The following ITPKB variants were observed in gnomAD, a reference collection of about 807,000 sequenced individuals.
ITPKB encodes the protein inositol-trisphosphate 3-kinase B, also known as IP3 3-kinase B.
In ITPKB, 13 loss-of-function variants were observed where a neutral mutation model predicts 69.4. The observed-to-expected ratio is 0.19, with a 90% CI of 0.12 to 0.30. The LOEUF (loss-of-function observed/expected upper bound fraction) is 0.30, where lower values mean the gene tolerates loss of function less well. ITPKB is among the 10% of genes least tolerant of loss of function. The probability of loss-of-function intolerance (pLI) is 1.00; values close to 1 mark genes in which losing one functional copy is unlikely to be tolerated. For missense variants in ITPKB, 1,240 were observed against 1,250.5 expected, an observed-to-expected ratio of 0.99 and a Z score of 0.13; for synonymous variants, 584 against 513.7, an observed-to-expected ratio of 1.14 and a Z score of -1.85.
In ITPKB at chr1:226,736,117, G is replaced by A. The variant is rs772394345; in HGVS notation, c.1342C>T (p.Pro448Ser). 1 of 1,598,888 alleles carries A rather than the reference G, an allele frequency of 6.3e-7. No individual in the cohort carries two copies. Among genetic ancestry groups the A allele is most frequent in the East Asian group, 2.2e-5 (1 of 44,736 alleles). ...QLSDRVEGGS[P>S]TLGLLGGSPS... ...CTGCCCCCAAGCAAGCCCAGCGTTG[G>A]GGACCCTCCCTCCACTCTGTCGGAG... The change falls in exon 2 of 8, where the codon CCA becomes TCA. Residue 448 changes from proline (P) to serine (S), a missense_variant. Pro to Ser is a moderately conservative substitution (Grantham distance 74). This residue lies in a region of ITPKB where 992 missense variants were observed against 853.8 expected (regional missense o/e 1.16). Transcript: ENST00000429204.
In ITPKB at chr1:226,736,557, G is replaced by T. The variant is rs1376402405; in HGVS notation, c.902C>A (p.Thr301Lys). The T allele has an allele frequency of 1.2e-6, 2 of 1,614,018 alleles. No individual in the cohort carries two copies. The highest frequency in any genetic ancestry group is 4.5e-5 in the East Asian group (2 of 44,880). ...TCTCGCTGCCACTTCCGTGGCCATCGTTAAGCTAGCTCCGAACAGCCCCAA... is the reference window on the plus strand; with the variant it reads ...TCTCGCTGCCACTTCCGTGGCCATCTTTAAGCTAGCTCCGAACAGCCCCAA... ...PSLGLFGASLTMATEVAARVT... is the reference protein window; with the variant it reads ...PSLGLFGASLKMATEVAARVT... Residue 301 changes from threonine (T) to lysine (K), a missense_variant, in exon 2 of 8, where the codon ACG (threonine) becomes AAG (lysine). This residue lies in a region of ITPKB where 992 missense variants were observed against 853.8 expected (regional missense o/e 1.16). Transcript: ENST00000429204.
intron 4 of ITPKB, among the ~76,000 whole-genome samples, chr1:226,645,922 T>C (rs1190259569): frequency 6.6e-6 from 1 of 151,974 alleles, no homozygotes; most frequent in Admixed American, 6.6e-5. Context: ...AACACAACAG[T>C]CAGTGGCAGG....
Position 226,634,399 on chromosome 1 carries a change from A to AC in ITPKB, c.*271dup. The AC allele has an allele frequency of 2.3e-6, 1 of 431,652 alleles. No individual in the cohort carries two copies. Among genetic ancestry groups the AC allele is most frequent in the Non-Finnish European group, 4.2e-6 (1 of 239,030 alleles). The allele number at this position is 431,652 out of a possible 1,614,324, so 26.7% of individuals were successfully genotyped here. A position where few individuals can be genotyped will look rare whatever the true frequency, so the allele number is the denominator to read the frequency against. On this transcript the variant is annotated 3_prime_UTR_variant, in exon 8 of 8. Coordinates refer to ENST00000429204, the MANE Select transcript of ITPKB (RefSeq NM_002221.4). The surrounding 1 kb of genome is among the most constrained non-coding windows in gnomAD (Gnocchi z 6.3). ...GGTAGGGTCCCCTCAGCAGCCAGGG[A>AC]CCCCCTCCAGCTCTACACCTGACCC...
chr1:226,697,138 T>C (rs1167584950), intron 2 of ITPKB, among the ~76,000 whole-genome samples: 2 of 152,222 alleles, frequency 1.3e-5, no homozygotes, highest in African/African-American at 4.8e-5. Context: ...AAGCGTCAAC[T>C]AAATGTTGGT....
At chr1:226,732,209 A>C (rs10916031) in intron 2 of ITPKB, among the ~76,000 whole-genome samples, 75,646 of 151,126 alleles carry the variant, frequency 0.5, 19,276 homozygotes, top group East Asian at 0.67. Context: ...TATACACCCC[A>C]CAGGTAATTA....
intron 7 of ITPKB, among the ~76,000 whole-genome samples, chr1:226,636,691 C>A (rs193064429): frequency 1.3e-5 from 2 of 151,998 alleles, no homozygotes; most frequent in African/African-American, 4.8e-5. Flanking sequence ...CTGCAGGGAG[C>A]CGCAGGATCC....
chr1:226,731,734 T>C (rs544242698), intron 2 of ITPKB, among the ~76,000 whole-genome samples: 1 of 152,178 alleles, frequency 6.6e-6, no homozygotes, highest in South Asian at 2.1e-4. Flanking sequence ...AATAAATGAC[T>C]CGGGGTCCTC....
chr1:226,652,345 C>T (rs1009971418), intron 2 of ITPKB, among the ~76,000 whole-genome samples: 5 of 152,210 alleles, frequency 3.3e-5, no homozygotes, highest in African/African-American at 9.7e-5. Flanking sequence ...TTTCCAGGAG[C>T]GGACAGGCTA....
chr1:226,712,311 A>G (rs994547203), intron 2 of ITPKB, among the ~76,000 whole-genome samples: 1 of 152,092 alleles, frequency 6.6e-6, no homozygotes, highest in Admixed American at 6.5e-5. Flanking sequence ...TGAGGTCCAT[A>G]GCCATCTGGC....
At chr1:226,686,676 G>T (rs1656223043) in intron 2 of ITPKB, among the ~76,000 whole-genome samples, 1 of 152,204 alleles carries the variant, frequency 6.6e-6, no homozygotes, top group Admixed American at 6.5e-5. Context: ...ACTAAAAGGA[G>T]ATCTCCTGCC....
Position 226,675,855 on chromosome 1 carries a change from G to C in ITPKB, c.1933-27084C>G, listed in dbSNP as rs991474202. Reference sequence around the variant, plus strand: ...TCTTGCTCCTCAAACGCATCCTCTCGGCTACACTTCCACCTGTGCACTTCC... The same window carrying C: ...TCTTGCTCCTCAAACGCATCCTCTCCGCTACACTTCCACCTGTGCACTTCC... On this transcript the variant is annotated intron_variant, in intron 2 of 7. Transcript: ENST00000429204. 5.9e-5 allele frequency among the ~76,000 whole-genome samples: 9 copies of C among 152,194 alleles called. No homozygotes were observed. In the South Asian group the frequency reaches 1.9e-3, roughly 32 times the overall value.
intron 2 of ITPKB, among the ~76,000 whole-genome samples, chr1:226,723,876 G>C (rs1657322364): frequency 6.6e-6 from 1 of 152,084 alleles, no homozygotes; most frequent in South Asian, 2.1e-4. Context: ...AACAAAGTGA[G>C]GCCTCTCCTG....
rs766608971 is a variant in ITPKB at position 226,737,151 on chromosome 1, G to C, written c.308C>G (p.Ala103Gly). The C allele has an allele frequency of 1.9e-6, 3 of 1,598,604 alleles. No homozygotes were observed. The East Asian group carries it at 6.7e-5, about 36-fold the overall frequency. The change falls in exon 2 of 8, where the codon GCT (alanine) becomes GGT (glycine). Residue 103 changes from alanine to glycine, a missense_variant. Ala to Gly is a moderately conservative substitution (Grantham distance 60). Around this residue, in one of 2 missense-constraint regions of ITPKB, gnomAD observed 992 missense variants for 853.8 expected, o/e 1.16. Coordinates refer to ENST00000429204, the MANE Select transcript of ITPKB (RefSeq NM_002221.4). The part of the protein sequence containing the change: ...SGSSVSSPSW[A>G]GRLRGDRQQV... ...CTGCCGGTCCCCTCGCAGGCGACCA[G>C]CCCAACTTGGGCTGCTCACGCTACT...
At chr1:226,672,788 G>T (rs7512408) in intron 2 of ITPKB, among the ~76,000 whole-genome samples, 5 of 152,326 alleles carry the variant, frequency 3.3e-5, no homozygotes, top group African/African-American at 1.2e-4. Context: ...CTCCTGGGAG[G>T]TGTTATCACT....
rs750336411 is a variant in ITPKB, at chr1:226,735,911, G to A, written c.1548C>T (p.Ala516=). The A allele has an allele frequency of 3.7e-6, 6 of 1,613,468 alleles. No homozygotes were observed. The highest frequency in any genetic ancestry group is 1.1e-5 in the South Asian group (1 of 91,074). The part of the protein sequence containing the change: ...SRVWQGTMEK[A]GLAWTRGTGV... ...CTGTGCCACGCGTCCAAGCCAAACC[G>A]GCTTTCTCCATGGTGCCCTGCCAAA... Residue 516 remains alanine (A), a synonymous_variant, in exon 2 of 8, where the codon GCC becomes GCT. Transcript: ENST00000429204.
In ITPKB at chr1:226,633,435, A is replaced by T. The variant is rs367774672; in HGVS notation, c.*1236T>A. 6.6e-6 allele frequency: 1 copy of T among 152,246 alleles called. No individual in the cohort carries two copies. The highest frequency in any genetic ancestry group is 6.5e-5 in the Admixed American group (1 of 15,286). The allele number at this position is 152,246 out of a possible 1,614,324, so 9.4% of individuals were successfully genotyped here. On this transcript the variant is annotated 3_prime_UTR_variant, in exon 8 of 8. Coordinates refer to ENST00000429204, the MANE Select transcript of ITPKB (RefSeq NM_002221.4). ...TCAGGCAAATTTTACATTCCCTTCC[A>T]TATCAGACTCACTGGCTTTCAGTTA... is the stretch of plus-strand genomic sequence containing the variant.
In ITPKB at chr1:226,735,938, C is replaced by T. The variant is rs1657738403; in HGVS notation, c.1521G>A (p.Arg507=). Reference sequence around the variant, plus strand: ...CTTTCTCCATGGTGCCCTGCCAAACCCTGGAGTTCCCAGGCTGCACACCCA... The same window carrying T: ...CTTTCTCCATGGTGCCCTGCCAAACTCTGGAGTTCCCAGGCTGCACACCCA... ...DRVGVQPGNS[R]VWQGTMEKAG... The change falls in exon 2 of 8, where the codon AGG becomes AGA. Residue 507 remains arginine, a synonymous_variant. Transcript: ENST00000429204. 1.2e-6 allele frequency: 2 copies of T among 1,614,110 alleles called. No homozygotes were observed. Among genetic ancestry groups the T allele is most frequent in the East Asian group, 2.2e-5 (1 of 44,880 alleles).
chr1:226,635,802 G>T (rs1668825116), intron 7 of ITPKB, among the ~76,000 whole-genome samples: 1 of 152,262 alleles, frequency 6.6e-6, no homozygotes, highest in Non-Finnish European at 1.5e-5. Flanking sequence ...CAAAGAGCCT[G>T]CCCCTCCTGG....
intron 2 of ITPKB, among the ~76,000 whole-genome samples, chr1:226,684,442 C>T (rs16846378): frequency 0.015 from 2,257 of 152,294 alleles, 109 homozygotes; most frequent in Admixed American, 0.081. Flanking sequence ...ACAGAGCAGC[C>T]ATTCTTTCAA....
Sources: allele counts gnomAD v4.1 joint callset (sites outside exome capture counted in the v4.1 genomes callset), GRCh38; gene constraint gnomAD v4.1.1; regional missense constraint gnomAD v4.1.1; non-coding constraint Gnocchi (gnomAD v3.1); transcripts MANE v1.5; gene names NCBI Gene and HGNC (gene_info 2026-07-23, HGNC 2026-07-21).